DLC1: variants seen among roughly 807,000 people sequenced by gnomAD.
DLC1 encodes the protein rho GTPase-activating protein 7.
In DLC1, 54 loss-of-function variants were observed where a neutral mutation model predicts 140.3. The observed-to-expected ratio is 0.38, with a 90% confidence interval of 0.31 to 0.48. The LOEUF is 0.48. Ranked by LOEUF, DLC1 falls within the 20% of genes least tolerant of loss-of-function variation. The probability of loss-of-function intolerance (pLI) is 0.96; values close to 1 mark genes in which losing one functional copy is unlikely to be tolerated. For missense variants in DLC1, 2,536 were observed against 1,907.0 expected (o/e 1.33, Z -6.14); for synonymous variants, 986 against 728.1 (o/e 1.35, Z -5.70).
At chr8:13,491,091 A>C (rs2410060) in intron 2 of DLC1, among the ~76,000 whole-genome samples, 2 of 147,282 alleles carry the variant, frequency 1.4e-5, no homozygotes, top group Admixed American at 6.8e-5. Flanking sequence ...TACATATTCA[A>C]ATTTAATATT....
chr8:13,318,419 G>A (rs578043453), intron 4 of DLC1, among the ~76,000 whole-genome samples: 2 of 152,042 alleles, frequency 1.3e-5, no homozygotes, highest in Admixed American at 1.3e-4. Flanking sequence ...TAGAGACAAG[G>A]TCATTTAATT....
At chr8:13,333,783 G>C (rs1166022878) in intron 4 of DLC1, among the ~76,000 whole-genome samples, 1 of 152,068 alleles carries the variant, frequency 6.6e-6, no homozygotes, top group African/African-American at 2.4e-5. Flanking sequence ...ACATCACTTT[G>C]TTAGATATCT....
At chr8:13,527,477 G>T (rs961922078) in intron 1 of DLC1, among the ~76,000 whole-genome samples, 1 of 151,990 alleles carries the variant, frequency 6.6e-6, no homozygotes, top group African/African-American at 2.4e-5. Flanking sequence ...ATATATTATT[G>T]AATTTAATTT....
intron 4 of DLC1, among the ~76,000 whole-genome samples, chr8:13,355,306 C>A (rs973805724): frequency 2.6e-5 from 4 of 152,076 alleles, no homozygotes; most frequent in African/African-American, 7.2e-5. Flanking sequence ...GCCAATATAA[C>A]GAAACCCCAT....
chr8:13,586,837 TG>T (rs1157504380), intron 1 of DLC1, among the ~76,000 whole-genome samples: 2 of 152,038 alleles, frequency 1.3e-5, no homozygotes, highest in Non-Finnish European at 2.9e-5. Flanking sequence ...AAGCAAGACT[TG>T]TTATAGTGGC....
At chr8:13,398,904 A>G (rs911289214) in intron 3 of DLC1, among the ~76,000 whole-genome samples, 9 of 152,182 alleles carry the variant, frequency 5.9e-5, no homozygotes, top group Admixed American at 2.6e-4. Flanking sequence ...ACATCTCTCA[A>G]TGGTCTCAAT....
chr8:13,390,557 C>T (rs1197399557), intron 4 of DLC1, among the ~76,000 whole-genome samples: 1 of 152,236 alleles, frequency 6.6e-6, no homozygotes, highest in Non-Finnish European at 1.5e-5. Context: ...AACACACTGT[C>T]TTCCACAATG....
At chr8:13,460,253 G>C (rs1348800297) in intron 2 of DLC1, among the ~76,000 whole-genome samples, 1 of 152,136 alleles carries the variant, frequency 6.6e-6, no homozygotes, top group Non-Finnish European at 1.5e-5. Context: ...TTGCCTCACA[G>C]CATTTAAAAG....
chr8:13,301,527 G>T (rs1296015580), intron 5 of DLC1, among the ~76,000 whole-genome samples: 1 of 152,158 alleles, frequency 6.6e-6, no homozygotes, highest in South Asian at 2.1e-4. Flanking sequence ...TCAACAACAT[G>T]GCAGATTCTT....
chr8:13,585,053 G>C (rs1380549963), intron 1 of DLC1, among the ~76,000 whole-genome samples: 1 of 152,100 alleles, frequency 6.6e-6, no homozygotes, highest in Non-Finnish European at 1.5e-5. Flanking sequence ...CTAAATACTA[G>C]GAATTTAAGT....
chr8:13,186,015 C>T (rs1044557871), intron 5 of DLC1, among the ~76,000 whole-genome samples: 1 of 152,220 alleles, frequency 6.6e-6, no homozygotes, highest in African/African-American at 2.4e-5. Flanking sequence ...GCCAAGAGAT[C>T]CACTGTTAGT....
rs556453019 is a variant in DLC1, at chr8:13,397,700, G to T, written c.1173+3770C>A. 2.7e-3 allele frequency among the ~76,000 whole-genome samples: 408 copies of T among 152,110 alleles called. 2 individuals are homozygous for T. The highest frequency in any genetic ancestry group is 9.6e-3 in the African/African-American group (397 of 41,484). The stretch of plus-strand genomic sequence containing the variant: ...AAAAAAAAAAAATTAGCCAGGCATG[G>T]TAATGTGCGCTTGTATTCTCAGCAA... On this transcript the variant is annotated intron_variant, in intron 3 of 17. Coordinates refer to ENST00000276297, the MANE Select transcript of DLC1 (RefSeq NM_182643.3).
chr8:13,382,643 T>A (rs190172268), intron 4 of DLC1, among the ~76,000 whole-genome samples: 348 of 151,096 alleles, frequency 2.3e-3, no homozygotes, highest in African/African-American at 7.7e-3. Flanking sequence ...CAGCAAATGA[T>A]ACTACAATAA....
At chr8:13,381,548 CGTT>C (rs1836262348) in intron 4 of DLC1, among the ~76,000 whole-genome samples, 1 of 152,138 alleles carries the variant, frequency 6.6e-6, no homozygotes, top group Admixed American at 6.5e-5. Context: ...CAGTCTCTGT[CGTT>C]GTCTCTTAGA....
At position 13,099,471 on chromosome 8, in the gene DLC1, T is replaced by G; in HGVS notation, c.2866A>C (p.Asn956His). The G allele has an allele frequency of 6.2e-7, 1 of 1,614,136 alleles. No individual in the cohort carries two copies. Among genetic ancestry groups the G allele is most frequent in the Non-Finnish European group, 8.5e-7 (1 of 1,180,020 alleles). The change falls in exon 9 of 18, where the codon AAC (asparagine) becomes CAC (histidine). Residue 956 changes from asparagine (N) to histidine (H), a missense_variant. Physicochemically the swap from Asn to His is moderately conservative, Grantham distance 68. Coordinates refer to ENST00000276297, the MANE Select transcript of DLC1 (RefSeq NM_182643.3). ...SPKQIHLDVD[N>H]DRTTPSDLDS... ...AGGTCGCTGGGTGTGGTTCGGTCGTTGTCCACATCCAGGTGTATCTGTTTT... is the reference window on the plus strand; with the variant it reads ...AGGTCGCTGGGTGTGGTTCGGTCGTGGTCCACATCCAGGTGTATCTGTTTT...
chr8:13,193,483 A>G (rs1826874852), intron 5 of DLC1, among the ~76,000 whole-genome samples: 1 of 152,184 alleles, frequency 6.6e-6, no homozygotes, highest in Non-Finnish European at 1.5e-5. Context: ...CTAAGTACAG[A>G]TATAAAGAGC....
chr8:13,428,176 G>T (rs1328108854), intron 2 of DLC1, among the ~76,000 whole-genome samples: 2 of 152,170 alleles, frequency 1.3e-5, no homozygotes, highest in Non-Finnish European at 2.9e-5. Context: ...AAAGAGAACA[G>T]AGGAATGGGA....
At chr8:13,594,061 T>C (rs1414047624) in intron 1 of DLC1, among the ~76,000 whole-genome samples, 1 of 152,074 alleles carries the variant, frequency 6.6e-6, no homozygotes, top group East Asian at 1.9e-4. Context: ...TCAGGGGTCC[T>C]GAGGTGGGAG....
At chr8:13,096,324 T>G (rs1818496112) in intron 10 of DLC1, among the ~76,000 whole-genome samples, 1 of 152,132 alleles carries the variant, frequency 6.6e-6, no homozygotes, top group Admixed American at 6.6e-5. Context: ...CAGTTTTAAA[T>G]AGCCAGCAGG....
Sources: allele counts gnomAD v4.1 joint callset (sites outside exome capture counted in the v4.1 genomes callset), GRCh38; gene constraint gnomAD v4.1.1; transcripts MANE v1.5; gene names NCBI Gene and HGNC (gene_info 2026-07-23, HGNC 2026-07-21).